Variants in PSPC1 observed in about 807,000 individuals in gnomAD.
PSPC1 encodes the protein paraspeckle component 1, also known as paraspeckle protein 1.
Under a neutral mutation model 51.6 loss-of-function variants are expected in PSPC1, and 14 were observed. That is an observed-to-expected ratio of 0.27 (90% confidence interval 0.18 to 0.42). The LOEUF (loss-of-function observed/expected upper bound fraction) is 0.42, where lower values mean the gene tolerates loss of function less well. Among genes scored for constraint, PSPC1 ranks in the 10% least tolerant of loss-of-function variants. PSPC1 has a pLI of 1.00. For missense variants in PSPC1, 406 were observed against 701.1 expected (o/e 0.58, Z 4.75); for synonymous variants, 193 against 231.9 (o/e 0.83, Z 1.53).
At chr13:19,777,906 A>G (rs530035224) in intron 1 of PSPC1, among the ~76,000 whole-genome samples, 1 of 151,702 alleles carries the variant, frequency 6.6e-6, no homozygotes, top group African/African-American at 2.4e-5. Context: ...AGATCGCGCT[A>G]CTGCACTCCA....
intron 6 of PSPC1, among the ~76,000 whole-genome samples, chr13:19,721,783 G>C (rs1462941621): frequency 1.3e-5 from 2 of 152,114 alleles, no homozygotes; most frequent in Non-Finnish European, 2.9e-5. Context: ...CTAATACTCT[G>C]AAGTAAAAAG....
At chr13:19,734,286 C>G (rs1372887691) in intron 5 of PSPC1, among the ~76,000 whole-genome samples, 1 of 152,144 alleles carries the variant, frequency 6.6e-6, no homozygotes, top group Admixed American at 6.5e-5. Flanking sequence ...TTTAAACCTT[C>G]ACGTTACATT....
intron 2 of PSPC1, among the ~76,000 whole-genome samples, chr13:19,764,970 G>A (rs1054869242): frequency 1.2e-4 from 18 of 151,864 alleles, no homozygotes; most frequent in Admixed American, 5.3e-4. Flanking sequence ...TTTTTAAAAC[G>A]AAGAATGTGT....
intron 1 of PSPC1, among the ~76,000 whole-genome samples, chr13:19,776,325 G>A (rs1393998544): frequency 1.3e-5 from 2 of 151,972 alleles, no homozygotes; most frequent in African/African-American, 4.8e-5. Flanking sequence ...AATTAGCTGG[G>A]TGTGGTGGTG....
At chr13:19,672,430 C>T (rs1342907237), downstream of PSPC1, 1 of 151,924 alleles carries the variant, frequency 6.6e-6, no homozygotes, top group South Asian at 2.1e-4. Context: ...AGGCATGAGC[C>T]ACCGCACCCA....
chr13:19,754,188 G>A (rs908047142), intron 3 of PSPC1, among the ~76,000 whole-genome samples: 5 of 151,870 alleles, frequency 3.3e-5, no homozygotes, highest in South Asian at 2.1e-4. Flanking sequence ...GGGTTCAAGC[G>A]ATTCTCCTGC....
intron 3 of PSPC1, among the ~76,000 whole-genome samples, chr13:19,758,371 A>C (rs1208609416): frequency 4.5e-5 from 1 of 22,366 alleles, no homozygotes; most frequent in African/African-American, 5.6e-5. Flanking sequence ...TATTATTCTA[A>C]GTGAAAAGGG....
chr13:19,758,469 C>T (rs1887305694), intron 3 of PSPC1, among the ~76,000 whole-genome samples: 1 of 152,148 alleles, frequency 6.6e-6, no homozygotes, highest in Non-Finnish European at 1.5e-5. Context: ...TAGGAATACC[C>T]TGCTCTACCC....
At chr13:19,760,099 C>G (rs564533893) in intron 2 of PSPC1, among the ~76,000 whole-genome samples, 2 of 152,146 alleles carry the variant, frequency 1.3e-5, no homozygotes, top group African/African-American at 4.8e-5. Flanking sequence ...AATGATACTT[C>G]TGAGACATTT....
intron 5 of PSPC1, among the ~76,000 whole-genome samples, chr13:19,740,000 C>G (rs1436194406): frequency 6.6e-6 from 1 of 152,024 alleles, no homozygotes; most frequent in African/African-American, 2.4e-5. Context: ...ACATTCCTAA[C>G]AGTTCCCTAG....
chr13:19,688,909 C>T (rs557261928), intron 6 of PSPC1, among the ~76,000 whole-genome samples: 1 of 150,648 alleles, frequency 6.6e-6, no homozygotes, highest in Admixed American at 6.6e-5. Flanking sequence ...GACACATTCA[C>T]ATTAAATTAG....
At position 19,705,530 on chromosome 13, in the gene PSPC1, T is replaced by C. The variant is rs1479020518; in HGVS notation, c.1386+132A>G. On this transcript the variant is annotated intron_variant, in intron 8 of 8. Transcript: ENST00000338910. ...AAACTATCTGTAACACATCAACATA[T>C]GATGTCACAAAATTTTCTTCTTCAT... 68 of 643,758 alleles carry C rather than the reference T, an allele frequency of 1.1e-4. No individual in the cohort carries two copies. The Admixed American group carries it at 2.2e-3, about 21-fold the overall frequency. The allele number at this position is 643,758 out of a possible 1,614,324, so 39.9% of individuals were successfully genotyped here.
At chr13:19,765,379 T>C (rs1162917940) in intron 2 of PSPC1, among the ~76,000 whole-genome samples, 1 of 148,122 alleles carries the variant, frequency 6.8e-6, no homozygotes, top group Non-Finnish European at 1.5e-5. Flanking sequence ...AGGATGACGA[T>C]ATTAATAAAA....
At chr13:19,755,328 G>A (rs1011828439) in intron 3 of PSPC1, among the ~76,000 whole-genome samples, 4 of 152,020 alleles carry the variant, frequency 2.6e-5, no homozygotes, top group Non-Finnish European at 5.9e-5. Flanking sequence ...GGTGGCTCAC[G>A]CCTGTAATCC....
intron 6 of PSPC1, among the ~76,000 whole-genome samples, chr13:19,712,340 T>G (rs1881546492): frequency 6.6e-6 from 1 of 152,192 alleles, no homozygotes; most frequent in Non-Finnish European, 1.5e-5. Context: ...TTATATACCC[T>G]AATACCTTAA....
chr13:19,706,645 C>T (rs1360768274), intron 7 of PSPC1, among the ~76,000 whole-genome samples: 5 of 152,106 alleles, frequency 3.3e-5, no homozygotes, highest in Admixed American at 3.3e-4. Flanking sequence ...ATATGATGAT[C>T]TCAGATACAA....
intron 6 of PSPC1, among the ~76,000 whole-genome samples, chr13:19,720,067 CT>C (rs1300676536): frequency 3.9e-5 from 6 of 152,122 alleles, no homozygotes; most frequent in African/African-American, 1.2e-4. Flanking sequence ...TGAAGAGGTG[CT>C]TTTAAAACCT....
At chr13:19,760,028 TTA>T (rs1175583870) in intron 2 of PSPC1, among the ~76,000 whole-genome samples, 4 of 152,114 alleles carry the variant, frequency 2.6e-5, no homozygotes, top group African/African-American at 4.8e-5. Flanking sequence ...AACCCATGTT[TTA>T]TATGTGTGGT....
At chr13:19,777,869 C>A (rs1463073667) in intron 1 of PSPC1, among the ~76,000 whole-genome samples, 1 of 151,980 alleles carries the variant, frequency 6.6e-6, no homozygotes, top group African/African-American at 2.4e-5. Flanking sequence ...TCGCTTGAAC[C>A]AGGGAGGCAG....
Sources: allele counts gnomAD v4.1 joint callset (sites outside exome capture counted in the v4.1 genomes callset), GRCh38; gene constraint gnomAD v4.1.1; transcripts MANE v1.5; gene names NCBI Gene and HGNC (gene_info 2026-07-23, HGNC 2026-07-21).